The following SCEL variants were observed in gnomAD, a reference collection of about 807,000 sequenced individuals.
SCEL encodes the protein sciellin.
Under a neutral mutation model 117.6 loss-of-function variants are expected in SCEL, and 113 were observed. That is an observed-to-expected ratio of 0.96 (90% CI 0.83 to 1.12). The LOEUF (loss-of-function observed/expected upper bound fraction) is 1.12. Ranked by LOEUF, SCEL falls within the 50% of genes most tolerant of loss-of-function variation. SCEL has a pLI of 0.00. For missense variants in SCEL, 785 were observed against 810.8 expected (o/e 0.97, Z 0.39); for synonymous variants, 270 against 256.2 (o/e 1.05, Z -0.51).
At chr13:77,616,727 C>T (rs2089074510) in intron 24 of SCEL, among the ~76,000 whole-genome samples, 1 of 145,340 alleles carries the variant, frequency 6.9e-6, no homozygotes, top group South Asian at 2.2e-4. Context: ...CTCTTTTGGT[C>T]CCTAAACTTG....
intron 9 of SCEL, among the ~76,000 whole-genome samples, chr13:77,585,127 T>A (rs1162690773): frequency 6.6e-6 from 1 of 152,240 alleles, no homozygotes; most frequent in Non-Finnish European, 1.5e-5. Flanking sequence ...AGCCAATCAC[T>A]TCCTCCTTCA....
At chr13:77,606,401 T>G (rs2088192637) in intron 19 of SCEL, 2 of 152,194 alleles carry the variant, frequency 1.3e-5, no homozygotes, top group Non-Finnish European at 1.5e-5. Context: ...TATTTAAAAT[T>G]TAAAGAGATC....
intron 9 of SCEL, among the ~76,000 whole-genome samples, chr13:77,585,944 C>G (rs138263142): frequency 4.6e-5 from 7 of 152,262 alleles, no homozygotes; most frequent in South Asian, 4.2e-4. Context: ...ACTGACATAT[C>G]ACAGGGTCCG....
At chr13:77,610,853 A>G (rs1355783471) in intron 22 of SCEL, among the ~76,000 whole-genome samples, 2 of 152,208 alleles carry the variant, frequency 1.3e-5, no homozygotes, top group African/African-American at 2.4e-5. Context: ...TTCTCAGTTC[A>G]TTGAAAAAAG....
intron 9 of SCEL, among the ~76,000 whole-genome samples, chr13:77,577,528 C>G (rs1260342014): frequency 6.6e-6 from 1 of 152,184 alleles, no homozygotes; most frequent in Non-Finnish European, 1.5e-5. Context: ...ACACATGGGG[C>G]TCATGGGGAC....
intron 25 of SCEL, 64 bp from the exon 26 acceptor site, chr13:77,617,739 C>T: frequency 6.7e-7 from 1 of 1,490,934 alleles, no homozygotes; most frequent in Non-Finnish European, 9.3e-7. Flanking sequence ...GATTTATAAC[C>T]TTAATGATAT....
At chr13:77,608,167 C>A in intron 20 of SCEL, 52 bp downstream of exon 20, 2 of 1,405,704 alleles carry the variant, frequency 1.4e-6, no homozygotes, top group Non-Finnish European at 2.0e-6. Context: ...CCATTTGTGG[C>A]ACTCAGGAAA....
intron 30 of SCEL, among the ~76,000 whole-genome samples, 163 bp downstream of exon 30, chr13:77,637,357 C>CATATACATATATAAAT (rs1567449665): frequency 2.4e-5 from 1 of 41,930 alleles, no homozygotes; most frequent in South Asian, 6.3e-4. Context: ...CATATATAAA[C>CATATACATATATAAAT]ATATATACAT....
chr13:77,645,038 A>G lies in SCEL; in HGVS notation c.*764A>G, dbSNP rs1268662103. Reference sequence around the variant, plus strand: ...AAAACTGTGTTTTAAAAACAGAAACAGATTGATGGGTAACAGGTAAAATAT... The same window carrying G: ...AAAACTGTGTTTTAAAAACAGAAACGGATTGATGGGTAACAGGTAAAATAT... On this transcript the variant is annotated 3_prime_UTR_variant, in exon 33 of 33. Transcript: ENST00000349847. 6.6e-6 allele frequency: 1 copy of G among 152,134 alleles called. No homozygotes were observed. The highest frequency in any genetic ancestry group is 1.9e-4 in the East Asian group (1 of 5,198). The allele number at this position is 152,134 out of a possible 1,614,324, so 9.4% of individuals were successfully genotyped here. A position where few individuals can be genotyped will look rare whatever the true frequency, so the allele number is the denominator to read the frequency against.
chr13:77,603,506 T>C (rs1032868972), intron 18 of SCEL, among the ~76,000 whole-genome samples: 2 of 152,190 alleles, frequency 1.3e-5, no homozygotes, highest in African/African-American at 4.8e-5. Flanking sequence ...TCAGCTCCTC[T>C]AAGGGTGGTG....
In SCEL at chr13:77,569,523, T is replaced by G. The variant is rs1442895846; in HGVS notation, c.479+72T>G. On this transcript the variant is annotated intron_variant, in intron 8 of 32. Transcript: ENST00000349847. Reference sequence around the variant, plus strand: ...GACTGCATTAGAAAGCTTCCTCCTCTTTTTTGTGGGGATCCAGCATCTACA... The same window carrying G: ...GACTGCATTAGAAAGCTTCCTCCTCGTTTTTGTGGGGATCCAGCATCTACA... 1.5e-4 allele frequency: 172 copies of G among 1,161,030 alleles called. 4 individuals are homozygous for G. The East Asian group carries it at 4.1e-3, about 28-fold the overall frequency. 71.9% of individuals were successfully genotyped at this position (1,161,030 alleles called of 1,614,324 possible).
chr13:77,569,804 C>T (rs944396713), intron 8 of SCEL, among the ~76,000 whole-genome samples: 2 of 152,262 alleles, frequency 1.3e-5, no homozygotes, highest in Admixed American at 1.3e-4. Context: ...CTGGAGATGC[C>T]GCCTCTGCTC....
chr13:77,536,018 C>T (rs938335723), intron 1 of SCEL, among the ~76,000 whole-genome samples, 194 bp downstream of exon 1: 1 of 151,976 alleles, frequency 6.6e-6, no homozygotes, highest in South Asian at 2.1e-4. Flanking sequence ...TTGCATTGAA[C>T]TTCTTGGCAA....
intron 7 of SCEL, 127 bp from the exon 8 acceptor site, chr13:77,569,244 C>T (rs890745433): frequency 8.7e-6 from 6 of 686,044 alleles, no homozygotes; most frequent in African/African-American, 1.8e-5. Context: ...GTTTTTCTAT[C>T]CCCAAGTGAA....
chr13:77,571,712 CATATAT>C (rs35655886), intron 8 of SCEL, among the ~76,000 whole-genome samples: 3 of 145,102 alleles, frequency 2.1e-5, no homozygotes, highest in Non-Finnish European at 4.5e-5. Context: ...AAAAATAAAA[CATATAT>C]ATATATATAT....
At chr13:77,564,008 A>C in intron 5 of SCEL, 109 bp downstream of exon 5, 1 of 698,886 alleles carries the variant, frequency 1.4e-6, no homozygotes, top group South Asian at 3.0e-5. Context: ...TGAATCACTG[A>C]TATTTTATTC....
intron 5 of SCEL, among the ~76,000 whole-genome samples, chr13:77,564,300 G>A (rs556898984): frequency 6.6e-6 from 1 of 151,540 alleles, no homozygotes; most frequent in South Asian, 2.1e-4. Flanking sequence ...TGGAGAGACT[G>A]TAAATTTTAA....
At position 77,540,009 on chromosome 13, in the gene SCEL, C is replaced by A. The variant is rs2083615713; in HGVS notation, c.-20+4185C>A. ...TGTTTTTATTGTAAGAAACTAAAGA[C>A]AGTTTTCTTGAGGAAAACGGATAGC... On this transcript the variant is annotated intron_variant, in intron 1 of 32. Coordinates refer to ENST00000349847, the MANE Select transcript of SCEL (RefSeq NM_144777.3). Among the ~76,000 whole-genome samples, 3 of 151,928 alleles carry A rather than the reference C, an allele frequency of 2.0e-5. No individual in the cohort carries two copies. The South Asian group carries it at 6.2e-4, about 32-fold the overall frequency.
chr13:77,563,124 T>TC (rs747040539), intron 4 of SCEL, among the ~76,000 whole-genome samples: 148 of 151,716 alleles, frequency 9.8e-4, no homozygotes, highest in African/African-American at 2.0e-3. Flanking sequence ...TTTTCTAAAT[T>TC]CCCCCCCCAT....
Sources: allele counts gnomAD v4.1 joint callset (sites outside exome capture counted in the v4.1 genomes callset), GRCh38; gene constraint gnomAD v4.1.1; transcripts MANE v1.5; gene names NCBI Gene and HGNC (gene_info 2026-07-23, HGNC 2026-07-21).